Variants in FOXJ3 observed in about 807,000 individuals in gnomAD.
FOXJ3 encodes forkhead box protein J3.
Under a neutral mutation model 76.1 loss-of-function variants are expected in FOXJ3, and 22 were observed. The ratio of observed to expected loss-of-function variants is 0.29; its 90% CI spans 0.21 to 0.41. The LOEUF (loss-of-function observed/expected upper bound fraction) is 0.41, where lower values mean the gene tolerates loss of function less well. Among genes scored for constraint, FOXJ3 ranks in the 10% least tolerant of loss-of-function variants. The pLI, the probability that FOXJ3 is intolerant of heterozygous loss-of-function variation, is 1.00. For missense variants in FOXJ3, 613 were observed against 762.1 expected (o/e 0.80, Z 2.30); for synonymous variants, 269 against 261.2 (o/e 1.03, Z -0.29).
chr1:42,207,785 A>G (rs151146005), intron 5 of FOXJ3, among the ~76,000 whole-genome samples: 3 of 152,326 alleles, frequency 2.0e-5, no homozygotes, highest in African/African-American at 7.2e-5. Flanking sequence ...TGATTGAAAA[A>G]GACCAGAGCT....
intron 5 of FOXJ3, among the ~76,000 whole-genome samples, chr1:42,223,637 T>C (rs190692515): frequency 2.0e-5 from 3 of 152,316 alleles, no homozygotes; most frequent in Non-Finnish European, 2.9e-5. Flanking sequence ...CCAGACAGCA[T>C]TATGTATTCT....
rs140088743 is a variant in FOXJ3 at position 42,261,264 on chromosome 1, C to T, written c.444+3851G>A. Among the ~76,000 whole-genome samples, 316 of 149,762 alleles carry T rather than the reference C, an allele frequency of 2.1e-3. 1 individual carries two copies. The highest frequency in any genetic ancestry group is 7.3e-3 in the African/African-American group (299 of 40,828). The stretch of plus-strand genomic sequence containing the variant: ...TAATGAAAAGAGAAGAGACAAAAGA[C>T]GGGATTTAAAAAATGGAGATAGACT... On this transcript the variant is annotated intron_variant, in intron 4 of 12. Transcript: ENST00000361346.
intron 1 of FOXJ3, among the ~76,000 whole-genome samples, chr1:42,332,373 G>A (rs1197282080): frequency 6.6e-6 from 1 of 152,148 alleles, no homozygotes; most frequent in East Asian, 1.9e-4. Flanking sequence ...CTTGCCCAAA[G>A]TCCCTTCTGA....
intron 4 of FOXJ3, among the ~76,000 whole-genome samples, chr1:42,252,280 G>A (rs1465623518): frequency 3.3e-5 from 5 of 152,104 alleles, no homozygotes; most frequent in South Asian, 2.1e-4. Flanking sequence ...GTAAATTACT[G>A]ATTATTGCCA....
At chr1:42,318,831 G>C (rs959966706) in intron 1 of FOXJ3, among the ~76,000 whole-genome samples, 6 of 152,160 alleles carry the variant, frequency 3.9e-5, no homozygotes, top group African/African-American at 1.4e-4. Flanking sequence ...TTAGACATAA[G>C]AGTTACCATA....
chr1:42,299,278 T>A (rs559360875), intron 2 of FOXJ3, among the ~76,000 whole-genome samples: 187 of 152,294 alleles, frequency 1.2e-3, no homozygotes, highest in African/African-American at 3.9e-3. Flanking sequence ...TATTTATGAA[T>A]CTGGGTGCTC....
chr1:42,209,584 C>T (rs528002674), intron 5 of FOXJ3, among the ~76,000 whole-genome samples: 8 of 152,310 alleles, frequency 5.3e-5, no homozygotes, highest in African/African-American at 1.9e-4. Flanking sequence ...AATGCCTTAA[C>T]CCTACCCAGG....
At chr1:42,261,407 T>G (rs552266233) in intron 4 of FOXJ3, among the ~76,000 whole-genome samples, 16 of 152,054 alleles carry the variant, frequency 1.1e-4, no homozygotes, top group East Asian at 3.9e-4. Context: ...GTGTGTGTGT[T>G]TTTTTTAATA....
Position 42,299,367 on chromosome 1 carries a change from C to CTT in FOXJ3, c.44+11681_44+11682dup, listed in dbSNP as rs34855114. Among the ~76,000 whole-genome samples, 1,109 of 144,844 alleles carry CTT rather than the reference C, an allele frequency of 7.7e-3. 6 individuals carry two copies. The highest frequency in any genetic ancestry group is 0.028 in the South Asian group (130 of 4,596). ...CCCTTTATCATTATATAATGCTCAT[C>CTT]TTTTTTTTTTTTTACTGTTATTGGT... On this transcript the variant is annotated intron_variant, in intron 2 of 12. Coordinates refer to ENST00000361346, the MANE Select transcript of FOXJ3 (RefSeq NM_014947.5).
At chr1:42,182,144 AAG>A (rs1306183281) in intron 11 of FOXJ3, 120 bp from the exon 12 acceptor site, 9 of 603,778 alleles carry the variant, frequency 1.5e-5, no homozygotes, top group Non-Finnish European at 2.4e-5. Context: ...AATAAGGAGA[AAG>A]GGGGAAGAAA....
rs147178880 is a variant in FOXJ3, at chr1:42,300,148, C to T, written c.44+10902G>A. Among the ~76,000 whole-genome samples the T allele has an allele frequency of 3.9e-4, 59 of 151,952 alleles. 1 individual carries two copies. The East Asian group carries it at 0.01, about 27-fold the overall frequency. On this transcript the variant is annotated intron_variant, in intron 2 of 12. Transcript: ENST00000361346. ...CCGGGAGGCAGAGGCTGCAGTGAGC[C>T]GAGATCGTGCCACTACACTCCAGCC...
rs370558753 is a variant in FOXJ3 at position 42,181,954 on chromosome 1, G to T, written c.1716C>A (p.Ile572=). Residue 572 remains isoleucine (I), a synonymous_variant, in exon 12 of 13, where the codon ATC becomes ATA. Coordinates refer to ENST00000361346, the MANE Select transcript of FOXJ3 (RefSeq NM_014947.5). ...SVMPPPGYPH[I]PQALSTPGTT... ...TTCCTGGAGTGCTGAGTGCCTGTGG[G>T]ATATGAGGATAACCAGGGGGTGGCA... The T allele has an allele frequency of 8.1e-6, 13 of 1,613,234 alleles. No individual in the cohort carries two copies. The highest frequency in any genetic ancestry group is 1.3e-5 in the African/African-American group (1 of 74,836).
intron 8 of FOXJ3, among the ~76,000 whole-genome samples, 179 bp downstream of exon 8, chr1:42,194,711 T>G (rs1471477732): frequency 6.6e-6 from 1 of 152,188 alleles, no homozygotes; most frequent in African/African-American, 2.4e-5. Flanking sequence ...TTATCTGCCA[T>G]TTTTGTGCTA....
At chr1:42,324,089 C>G (rs1570258547) in intron 1 of FOXJ3, among the ~76,000 whole-genome samples, 1 of 50,844 alleles carries the variant, frequency 2.0e-5, no homozygotes, top group Non-Finnish European at 4.0e-5. Context: ...AGTATATATA[C>G]TGTATATATA....
At chr1:42,225,327 T>C (rs2124443773) in intron 5 of FOXJ3, among the ~76,000 whole-genome samples, 1 of 152,314 alleles carries the variant, frequency 6.6e-6, no homozygotes, top group South Asian at 2.1e-4. Context: ...CTATTTGCCC[T>C]AGGCATTTTC....
In FOXJ3 at chr1:42,205,849, ATAT is replaced by A; in HGVS notation, c.540_542del (p.Tyr181del). On this transcript the variant is annotated inframe_deletion, in exon 6 of 13. Transcript: ENST00000361346. ...TTCCCAAAGAATCTGAATCTATGCT[ATAT>A]GGAGTTGAGGCCTAAAATACAAGAA... The A allele has an allele frequency of 6.2e-7, 1 of 1,606,314 alleles. No individual in the cohort carries two copies. The highest frequency in any genetic ancestry group is 8.5e-7 in the Non-Finnish European group (1 of 1,173,686).
At chr1:42,275,446 G>C (rs1309844638) in intron 3 of FOXJ3, among the ~76,000 whole-genome samples, 1 of 152,004 alleles carries the variant, frequency 6.6e-6, no homozygotes, top group Admixed American at 6.6e-5. Context: ...CTATAATCCC[G>C]GCACTTTGGG....
intron 2 of FOXJ3, among the ~76,000 whole-genome samples, chr1:42,290,200 C>T (rs1367493783): frequency 6.6e-6 from 1 of 151,968 alleles, no homozygotes; most frequent in Non-Finnish European, 1.5e-5. Context: ...GACTACACCA[C>T]CAGTCAATTC....
At chr1:42,205,690 A>G in intron 6 of FOXJ3, 72 bp downstream of exon 6, 1 of 867,152 alleles carries the variant, frequency 1.2e-6, no homozygotes. Context: ...ATAGGATTCT[A>G]TCATTATTAC....
Sources: gnomAD v4.1 joint callset for allele counts (sites outside exome capture counted in the v4.1 genomes callset) on GRCh38, gnomAD v4.1.1 for gene constraint, MANE v1.5 for transcripts, NCBI Gene and HGNC (gene_info 2026-07-23, HGNC 2026-07-21) for gene names.